Variants in RASSF8 observed in about 807,000 individuals in gnomAD.
The protein encoded by RASSF8 is Ras association domain family member 8, also known as ras association domain-containing protein 8.
A neutral mutation model predicts 48.5 loss-of-function variants in RASSF8; 22 were observed. The observed-to-expected ratio is 0.45, with a 90% CI of 0.32 to 0.65. RASSF8 has a LOEUF of 0.65. RASSF8 is among the 30% of genes least tolerant of loss of function. The probability of loss-of-function intolerance (pLI) is 0.03; values close to 1 mark genes in which losing one functional copy is unlikely to be tolerated. For missense variants in RASSF8, 418 were observed against 489.2 expected (o/e 0.85, Z 1.37); for synonymous variants, 127 against 171.5 (o/e 0.74, Z 2.03).
chr12:26,063,041 G>GT (rs1943780123), intron 3 of RASSF8, among the ~76,000 whole-genome samples: 1 of 152,162 alleles, frequency 6.6e-6, no homozygotes, highest in Non-Finnish European at 1.5e-5. Context: ...ATACATGGGT[G>GT]TTGATATTTA....
intron 2 of RASSF8, among the ~76,000 whole-genome samples, chr12:26,035,143 C>G (rs1291549799): frequency 6.6e-6 from 1 of 151,990 alleles, no homozygotes; most frequent in Non-Finnish European, 1.5e-5. Context: ...TACTAAGGCA[C>G]TGACCCCTAC....
chr12:26,012,673 G>A (rs1592265294), intron 2 of RASSF8, among the ~76,000 whole-genome samples: 1 of 146,230 alleles, frequency 6.8e-6, no homozygotes, highest in Non-Finnish European at 1.5e-5. Context: ...TCCATGTGAG[G>A]CCTTTTTTCT....
rs1943908968 is a variant in RASSF8 at position 26,067,701 on chromosome 12, G to A, written c.1126G>A (p.Asp376Asn). The A allele has an allele frequency of 1.2e-6, 2 of 1,614,012 alleles. No individual in the cohort carries two copies. Among genetic ancestry groups the A allele is most frequent in the African/African-American group, 2.7e-5 (2 of 74,916 alleles). Residue 376 changes from aspartate (D) to asparagine (N), a missense_variant, in exon 5 of 6, where the codon GAC (aspartate) becomes AAC (asparagine). Asp to Asn is a conservative substitution (Grantham distance 23). Transcript: ENST00000689635. ...CATTGAAATAGAGGCCTCACATGCA[G>A]ACATTGAAAGGGGTAAGATGTTGAT... ...EPIEIEASHA[D>N]IEREAPFQSG...
At chr12:26,017,860 G>C (rs924598398) in intron 2 of RASSF8, among the ~76,000 whole-genome samples, 1 of 152,200 alleles carries the variant, frequency 6.6e-6, no homozygotes, top group South Asian at 2.1e-4. Flanking sequence ...TATTTTAAGG[G>C]TCCAGATCCA....
chr12:25,997,876 G>GT (rs1329193450), intron 2 of RASSF8, among the ~76,000 whole-genome samples: 5 of 152,112 alleles, frequency 3.3e-5, no homozygotes, highest in African/African-American at 1.2e-4. Flanking sequence ...TAATTTGCAT[G>GT]TTTCAGTGCT....
In RASSF8 at chr12:26,071,726, A is replaced by G. The variant is rs572841251; in HGVS notation, c.*2908A>G. ...ACCTATTTAATTCTCCCAGTCATCA[A>G]TGAGGTAATCATCAATTCCTATAGT... On this transcript the variant is annotated 3_prime_UTR_variant, in exon 6 of 6. Transcript: ENST00000689635. The G allele has an allele frequency of 5.1e-6, 5 of 983,754 alleles. No homozygotes were observed. In the African/African-American group the frequency reaches 5.2e-5, roughly 10 times the overall value. 60.9% of individuals were successfully genotyped at this position (983,754 alleles called of 1,614,324 possible).
intron 1 of RASSF8, among the ~76,000 whole-genome samples, chr12:25,962,695 A>G (rs924581346): frequency 6.6e-6 from 1 of 152,056 alleles, no homozygotes; most frequent in Non-Finnish European, 1.5e-5. Context: ...AGTAGCTGGG[A>G]CTACAGGTGT....
Position 26,069,099 on chromosome 12 carries a change from T to C in RASSF8, c.*281T>C. ...CATTTTGAGAGCTTTAGGAAAGTATTATATAGTGTGTATACATAAATAAGC... is the reference window on the plus strand; with the variant it reads ...CATTTTGAGAGCTTTAGGAAAGTATCATATAGTGTGTATACATAAATAAGC... On this transcript the variant is annotated 3_prime_UTR_variant, in exon 6 of 6. Transcript: ENST00000689635. 2 of 1,069,332 alleles carry C rather than the reference T, an allele frequency of 1.9e-6. No homozygotes were observed. The highest frequency in any genetic ancestry group is 2.3e-6 in the Non-Finnish European group (2 of 882,194). 66.2% of individuals were successfully genotyped at this position (1,069,332 alleles called of 1,614,324 possible). A position where few individuals can be genotyped will look rare whatever the true frequency, so the allele number is the denominator to read the frequency against.
chr12:26,045,575 G>C (rs182853723), intron 2 of RASSF8, among the ~76,000 whole-genome samples: 4 of 152,244 alleles, frequency 2.6e-5, no homozygotes, highest in African/African-American at 7.2e-5. Context: ...GCTCTTTGAA[G>C]CCACCACTGT....
chr12:26,050,322 A>G (rs1240562233), intron 2 of RASSF8, among the ~76,000 whole-genome samples: 1 of 152,170 alleles, frequency 6.6e-6, no homozygotes, highest in African/African-American at 2.4e-5. Flanking sequence ...ATTGCTATTG[A>G]TTTGTCCTTC....
At position 25,995,289 on chromosome 12, in the gene RASSF8, G is replaced by A. The variant is rs74071348; in HGVS notation, c.-109+159G>A. On this transcript the variant is annotated intron_variant, in intron 2 of 5. Transcript: ENST00000689635. ...TCATCATTTGTAAGCCATTTATTTA[G>A]AGAAGGACTAAGTATAGGTGGTGAT... 8.9e-3 allele frequency among the ~76,000 whole-genome samples: 1,357 copies of A among 152,302 alleles called. 24 individuals carry two copies. Among genetic ancestry groups the A allele is most frequent in the African/African-American group, 0.031 (1,298 of 41,568 alleles).
At chr12:25,972,978 C>G (rs1941517714) in intron 1 of RASSF8, among the ~76,000 whole-genome samples, 1 of 152,052 alleles carries the variant, frequency 6.6e-6, no homozygotes, top group South Asian at 2.1e-4. Context: ...TTTCTGGCAC[C>G]CAAGGCTGTG....
At chr12:25,969,374 G>C (rs956669129) in intron 1 of RASSF8, among the ~76,000 whole-genome samples, 1 of 152,200 alleles carries the variant, frequency 6.6e-6, no homozygotes, top group African/African-American at 2.4e-5. Flanking sequence ...CTGTCTCACA[G>C]TGTCGTAAGG....
intron 3 of RASSF8, among the ~76,000 whole-genome samples, chr12:26,058,822 C>G (rs1299109931): frequency 2.6e-5 from 4 of 152,194 alleles, no homozygotes; most frequent in Non-Finnish European, 5.9e-5. Context: ...ATCTGACAAT[C>G]TTGACAGATT....
chr12:26,037,094 A>G (rs757787803), intron 2 of RASSF8, among the ~76,000 whole-genome samples: 27 of 152,166 alleles, frequency 1.8e-4, no homozygotes, highest in Non-Finnish European at 2.9e-4. Flanking sequence ...ATTGTGTGAA[A>G]AAGTCTACCC....
In RASSF8 at chr12:26,070,903, G is replaced by A. The variant is rs1377274345; in HGVS notation, c.*2085G>A. The A allele has an allele frequency of 3.0e-6, 3 of 984,842 alleles. No individual in the cohort carries two copies. The highest frequency in any genetic ancestry group is 3.6e-6 in the Non-Finnish European group (3 of 829,558). 61.0% of individuals were successfully genotyped at this position (984,842 alleles called of 1,614,324 possible). On this transcript the variant is annotated 3_prime_UTR_variant, in exon 6 of 6. Transcript: ENST00000689635. ...TCCAACTCATTATAAATTGTTATCA[G>A]AATTAACCTAATAACTTTAAGTAAG...
In RASSF8 at chr12:26,064,536, G is replaced by A. The variant is rs764192034; in HGVS notation, c.142G>A (p.Asp48Asn). The A allele has an allele frequency of 1.2e-6, 2 of 1,605,332 alleles. No individual in the cohort carries two copies. Among genetic ancestry groups the A allele is most frequent in the Non-Finnish European group, 1.7e-6 (2 of 1,175,032 alleles). ...GTACACCCTTATAGAGAAATGGAGA[G>A]ATACTGAAAGACACTTAGCACCTCA... ...GRYTLIEKWR[D>N]TERHLAPHEN... Residue 48 changes from aspartate (D) to asparagine (N), a missense_variant, in exon 4 of 6, where the codon GAT (aspartate) becomes AAT (asparagine). Coordinates refer to ENST00000689635, the MANE Select transcript of RASSF8 (RefSeq NM_001394098.1).
At chr12:25,971,093 G>A (rs901386125) in intron 1 of RASSF8, among the ~76,000 whole-genome samples, 2 of 152,110 alleles carry the variant, frequency 1.3e-5, no homozygotes, top group Non-Finnish European at 2.9e-5. Flanking sequence ...ATTTCTTCAC[G>A]AGTTTCAAGT....
At chr12:26,049,164 C>T (rs989034362) in intron 2 of RASSF8, among the ~76,000 whole-genome samples, 9 of 152,126 alleles carry the variant, frequency 5.9e-5, no homozygotes, top group African/African-American at 2.2e-4. Context: ...AGAATTCAGT[C>T]TAATAAGCAT....
Sources: allele counts gnomAD v4.1 joint callset (sites outside exome capture counted in the v4.1 genomes callset), GRCh38; gene constraint gnomAD v4.1.1; transcripts MANE v1.5; gene names NCBI Gene and HGNC (gene_info 2026-07-23, HGNC 2026-07-21).